GRK5: variants seen among roughly 807,000 people sequenced by gnomAD.
The protein encoded by GRK5 is g protein-coupled receptor kinase GRK5.
Under a neutral mutation model 78.4 loss-of-function variants are expected in GRK5, and 40 were observed. The ratio of observed to expected loss-of-function variants is 0.51; its 90% CI spans 0.40 to 0.66. The LOEUF (loss-of-function observed/expected upper bound fraction) is 0.66. Among genes scored for constraint, GRK5 ranks in the 30% least tolerant of loss-of-function variants. The probability of loss-of-function intolerance (pLI) is 0.00; values close to 1 mark genes in which losing one functional copy is unlikely to be tolerated. For missense variants in GRK5, 598 were observed against 759.9 expected, an observed-to-expected ratio of 0.79 and a Z score of 2.50; for synonymous variants, 289 against 296.8, an observed-to-expected ratio of 0.97 and a Z score of 0.27.
rs1032584618 is a variant in GRK5 at position 119,445,262 on chromosome 10, G to A, written c.1266+1510G>A. 2.0e-5 allele frequency among the ~76,000 whole-genome samples: 3 copies of A among 152,244 alleles called. No individual in the cohort carries two copies. The highest frequency in any genetic ancestry group is 4.4e-5 in the Non-Finnish European group (3 of 68,020). ...TCATTGGGAGATATCTGTCAGGTGC[G>A]ACAAAACGAGACAAGGGAAAGAAGA... is the stretch of plus-strand genomic sequence containing the variant. On this transcript the variant is annotated intron_variant, in intron 12 of 15. Coordinates refer to ENST00000392870, the MANE Select transcript of GRK5 (RefSeq NM_005308.3). This position sits in a 1 kb window ranked among gnomAD's most constrained non-coding sequence, Gnocchi z 4.1.
intron 12 of GRK5, among the ~76,000 whole-genome samples, chr10:119,446,973 T>C (rs1853162920): frequency 6.6e-6 from 1 of 152,256 alleles, no homozygotes; most frequent in Admixed American, 6.5e-5. Context: ...CCAAGCAGTC[T>C]GCTCCTCTGG....
At chr10:119,426,235 T>C (rs1889431) in intron 6 of GRK5, among the ~76,000 whole-genome samples, 78,475 of 152,130 alleles carry the variant, frequency 0.52, 20,475 homozygotes, top group Admixed American at 0.62. Flanking sequence ...CTTCCAGAAA[T>C]CCAGCAGAAA....
chr10:119,281,739 C>T (rs1462640529), intron 1 of GRK5, among the ~76,000 whole-genome samples: 1 of 152,220 alleles, frequency 6.6e-6, no homozygotes, highest in Non-Finnish European at 1.5e-5. Context: ...GCACTGCCAT[C>T]CCCGAGCCAG....
intron 2 of GRK5, among the ~76,000 whole-genome samples, chr10:119,353,719 A>G (rs1406118804): frequency 6.6e-6 from 1 of 152,180 alleles, no homozygotes; most frequent in African/African-American, 2.4e-5. Flanking sequence ...GGGGCCCCAG[A>G]GGTCCCAGAC....
intron 10 of GRK5, among the ~76,000 whole-genome samples, chr10:119,440,262 A>C (rs1340107023): frequency 6.6e-6 from 1 of 152,180 alleles, no homozygotes; most frequent in Non-Finnish European, 1.5e-5. Context: ...TAAATGTCTC[A>C]GGCATTACGT....
rs374284602 is a variant in GRK5, at chr10:119,458,189, CT to C, written c.*3125del. 66 of 152,250 alleles carry C rather than the reference CT, an allele frequency of 4.3e-4. No homozygotes were observed. Among genetic ancestry groups the C allele is most frequent in the African/African-American group, 1.6e-3 (65 of 41,526 alleles). 9.4% of individuals were successfully genotyped at this position (152,250 alleles called of 1,614,324 possible). A position where few individuals can be genotyped will look rare whatever the true frequency, so the allele number is the denominator to read the frequency against. On this transcript the variant is annotated 3_prime_UTR_variant, in exon 16 of 16. Coordinates refer to ENST00000392870, the MANE Select transcript of GRK5 (RefSeq NM_005308.3). ...CACCAGACGTTCACTGACTTCGTGA[CT>C]TTGAGGTGAGACATGGGATCTCTCA...
At position 119,332,722 on chromosome 10, in the gene GRK5, C is replaced by T. The variant is rs142409366; in HGVS notation, c.148+6111C>T. Among the ~76,000 whole-genome samples the T allele has an allele frequency of 2.0e-3, 304 of 152,288 alleles. 1 individual carries two copies. The highest frequency in any genetic ancestry group is 3.5e-3 in the Non-Finnish European group (237 of 68,028). On this transcript the variant is annotated intron_variant, in intron 2 of 15. Transcript: ENST00000392870. ...CCTTCATCTTGGATCCTTCCCTCCT[C>T]CTCCATTCACAAGCTGGTCTCCCTT...
intron 1 of GRK5, among the ~76,000 whole-genome samples, chr10:119,230,042 T>C (rs952062372): frequency 5.3e-5 from 8 of 151,976 alleles, no homozygotes; most frequent in African/African-American, 1.9e-4. Flanking sequence ...AGCCAAATGG[T>C]GGTGACTTGG....
chr10:119,230,875 C>T (rs898053597), intron 1 of GRK5, among the ~76,000 whole-genome samples: 1 of 145,856 alleles, frequency 6.9e-6, no homozygotes, highest in Non-Finnish European at 1.5e-5. Flanking sequence ...AGTTTTTCAG[C>T]AGAGGAGGCT....
chr10:119,312,059 T>C (rs1850368800), intron 1 of GRK5, among the ~76,000 whole-genome samples: 2 of 151,544 alleles, frequency 1.3e-5, no homozygotes, highest in Non-Finnish European at 2.9e-5. Flanking sequence ...TGGGACTACA[T>C]CCACCCGCTG....
At chr10:119,423,496 G>A (rs1340148077) in intron 5 of GRK5, among the ~76,000 whole-genome samples, 1 of 152,176 alleles carries the variant, frequency 6.6e-6, no homozygotes, top group African/African-American at 2.4e-5. Flanking sequence ...GGCTCTCCAG[G>A]CTGTTGAGAC....
chr10:119,375,412 T>A (rs1442343027), intron 2 of GRK5, among the ~76,000 whole-genome samples: 1 of 152,190 alleles, frequency 6.6e-6, no homozygotes, highest in African/African-American at 2.4e-5. Context: ...TAGTGTGCTC[T>A]CCATGGCCAC....
chr10:119,380,596 G>A (rs891214016), intron 2 of GRK5, among the ~76,000 whole-genome samples: 8 of 152,230 alleles, frequency 5.3e-5, no homozygotes, highest in African/African-American at 1.7e-4. Context: ...GACTGGGGGT[G>A]TGGGGTGGGG....
At chr10:119,288,711 G>A (rs961899434) in intron 1 of GRK5, among the ~76,000 whole-genome samples, 1 of 152,170 alleles carries the variant, frequency 6.6e-6, no homozygotes, top group Non-Finnish European at 1.5e-5. Flanking sequence ...TGTGGGGAGT[G>A]GGGGTGGTTG....
chr10:119,256,548 A>G (rs1308105674), intron 1 of GRK5, among the ~76,000 whole-genome samples: 2 of 152,136 alleles, frequency 1.3e-5, no homozygotes, highest in Admixed American at 6.5e-5. Flanking sequence ...CTCTGGGTAC[A>G]TGGAGTGGGA....
chr10:119,244,747 C>T (rs1849078101), intron 1 of GRK5, among the ~76,000 whole-genome samples: 1 of 152,058 alleles, frequency 6.6e-6, no homozygotes, highest in Admixed American at 6.6e-5. Context: ...CAAAACAAAA[C>T]AAAAACCCAA....
At chr10:119,369,942 C>G (rs1851520195) in intron 2 of GRK5, among the ~76,000 whole-genome samples, 1 of 152,154 alleles carries the variant, frequency 6.6e-6, no homozygotes, top group Admixed American at 6.5e-5. Context: ...TTTGCCCATT[C>G]CCACTGCAAG....
intron 2 of GRK5, among the ~76,000 whole-genome samples, chr10:119,361,874 T>C (rs1851368598): frequency 6.7e-6 from 1 of 149,312 alleles, no homozygotes; most frequent in Non-Finnish European, 1.5e-5. Context: ...GGCAGGAGAA[T>C]TGCCTGAACC....
chr10:119,302,216 G>A (rs1850195374), intron 1 of GRK5, among the ~76,000 whole-genome samples: 1 of 152,170 alleles, frequency 6.6e-6, no homozygotes, highest in African/African-American at 2.4e-5. Flanking sequence ...GAATAACTGG[G>A]CTTCTTCCCA....
Sources: allele counts gnomAD v4.1 joint callset (sites outside exome capture counted in the v4.1 genomes callset), GRCh38; gene constraint gnomAD v4.1.1; non-coding constraint Gnocchi (gnomAD v3.1); transcripts MANE v1.5; gene names NCBI Gene and HGNC (gene_info 2026-07-23, HGNC 2026-07-21).